PTPRK: variants seen among roughly 807,000 people sequenced by gnomAD.
PTPRK encodes protein tyrosine phosphatase receptor type K.
A neutral mutation model predicts 178.0 loss-of-function variants in PTPRK; 75 were observed. The observed-to-expected ratio is 0.42, with a 90% CI of 0.35 to 0.51. PTPRK has a LOEUF of 0.51. Ranked by LOEUF, PTPRK falls within the 20% of genes least tolerant of loss-of-function variation. The pLI is 0.02. For missense variants in PTPRK, 1,441 were observed against 1,797.8 expected, an observed-to-expected ratio of 0.80 and a Z score of 3.59; for synonymous variants, 637 against 620.6, an observed-to-expected ratio of 1.03 and a Z score of -0.39.
At chr6:128,188,695 A>G (rs1470943637) in intron 6 of PTPRK, among the ~76,000 whole-genome samples, 1 of 152,200 alleles carries the variant, frequency 6.6e-6, no homozygotes, top group African/African-American at 2.4e-5. Flanking sequence ...ATCTGAAATC[A>G]GTACCACTCG....
At chr6:128,032,276 C>T (rs1775470063) in intron 13 of PTPRK, among the ~76,000 whole-genome samples, 1 of 152,164 alleles carries the variant, frequency 6.6e-6, no homozygotes, top group South Asian at 2.1e-4. Context: ...TACCCTCTTG[C>T]TTCTGGGCTC....
intron 4 of PTPRK, among the ~76,000 whole-genome samples, chr6:128,240,628 T>TA (rs898838053): frequency 1.4e-4 from 21 of 152,088 alleles, no homozygotes; most frequent in African/African-American, 3.6e-4. Context: ...GATCTTTTTT[T>TA]AAAAAAAACA....
At chr6:128,373,238 C>T (rs1836544909) in intron 2 of PTPRK, among the ~76,000 whole-genome samples, 1 of 152,164 alleles carries the variant, frequency 6.6e-6, no homozygotes, top group Non-Finnish European at 1.5e-5. Flanking sequence ...CTTTGCAAAG[C>T]TGCGTTAGTT....
At chr6:128,110,237 T>C (rs1275671370) in intron 7 of PTPRK, among the ~76,000 whole-genome samples, 3 of 152,102 alleles carry the variant, frequency 2.0e-5, no homozygotes, top group Admixed American at 6.5e-5. Flanking sequence ...CAACACTACT[T>C]TTGAGTTGGC....
intron 3 of PTPRK, among the ~76,000 whole-genome samples, chr6:128,302,475 G>A (rs1449130156): frequency 6.8e-6 from 1 of 147,962 alleles, no homozygotes; most frequent in Non-Finnish European, 1.5e-5. Flanking sequence ...CCATTGCTCT[G>A]TTTATTTACT....
At chr6:128,250,365 T>C (rs994389570) in intron 3 of PTPRK, among the ~76,000 whole-genome samples, 20 of 152,222 alleles carry the variant, frequency 1.3e-4, no homozygotes. Context: ...ACATTTGATG[T>C]TTATTTCCTC....
chr6:128,391,173 G>A (rs1217876813), intron 2 of PTPRK, among the ~76,000 whole-genome samples: 2 of 152,018 alleles, frequency 1.3e-5, no homozygotes, highest in African/African-American at 4.8e-5. Flanking sequence ...ATCATTGAAT[G>A]ACGCATAACC....
At chr6:128,004,905 A>G (rs1322415531) in intron 15 of PTPRK, 179 bp downstream of exon 15, 4 of 574,884 alleles carry the variant, frequency 7.0e-6, no homozygotes, top group Non-Finnish European at 9.0e-6. Flanking sequence ...TAAATCCAGT[A>G]TCAATCTTGA....
intron 7 of PTPRK, among the ~76,000 whole-genome samples, chr6:128,097,451 G>A (rs947998486): frequency 2.0e-5 from 3 of 152,114 alleles, no homozygotes; most frequent in Non-Finnish European, 4.4e-5. Flanking sequence ...CAAGGAAATT[G>A]TTTGATTTTA....
intron 3 of PTPRK, among the ~76,000 whole-genome samples, chr6:128,269,178 T>C (rs1213013566): frequency 6.6e-6 from 1 of 152,004 alleles, no homozygotes; most frequent in Non-Finnish European, 1.5e-5. Flanking sequence ...TAACACCAAA[T>C]TTTATGCCCA....
intron 5 of PTPRK, among the ~76,000 whole-genome samples, chr6:128,237,617 T>C (rs771823887): frequency 1.3e-5 from 2 of 152,140 alleles, no homozygotes; most frequent in Non-Finnish European, 1.5e-5. Context: ...AATAAGCAAA[T>C]TGAGGCCCAG....
intron 17 of PTPRK, among the ~76,000 whole-genome samples, chr6:127,996,268 G>A (rs1777141576): frequency 6.6e-6 from 1 of 152,066 alleles, no homozygotes; most frequent in African/African-American, 2.4e-5. Context: ...TTTGATGGAA[G>A]TGTTAAAACA....
chr6:128,113,931 G>A (rs1791079196), intron 7 of PTPRK, among the ~76,000 whole-genome samples: 1 of 152,068 alleles, frequency 6.6e-6, no homozygotes, highest in Non-Finnish European at 1.5e-5. Context: ...CAGTGTTTGA[G>A]TAAAACTGTG....
At chr6:128,362,861 C>T (rs1055098191) in intron 2 of PTPRK, among the ~76,000 whole-genome samples, 1 of 151,960 alleles carries the variant, frequency 6.6e-6, no homozygotes, top group African/African-American at 2.4e-5. Flanking sequence ...ACAAAGAAAG[C>T]CCGGTACAAA....
chr6:128,233,372 C>T (rs1461411772), intron 5 of PTPRK, among the ~76,000 whole-genome samples: 1 of 152,200 alleles, frequency 6.6e-6, no homozygotes, highest in Non-Finnish European at 1.5e-5. Flanking sequence ...AGTACAGGAA[C>T]AAGGCTTTGG....
intron 7 of PTPRK, among the ~76,000 whole-genome samples, chr6:128,173,756 T>A (rs1800642321): frequency 6.6e-6 from 1 of 151,976 alleles, no homozygotes; most frequent in South Asian, 2.1e-4. Context: ...TCATTGGAAT[T>A]CTTATCTCCT....
At chr6:127,983,021 G>T in intron 23 of PTPRK, 41 bp from the exon 24 acceptor site, 1 of 1,560,066 alleles carries the variant, frequency 6.4e-7, no homozygotes, top group Non-Finnish European at 8.7e-7. Context: ...ACTAGTTTTA[G>T]TATCACTTTT....
intron 2 of PTPRK, among the ~76,000 whole-genome samples, chr6:128,354,034 T>C (rs1316432514): frequency 1.3e-5 from 2 of 152,108 alleles, no homozygotes; most frequent in African/African-American, 4.8e-5. Flanking sequence ...CATGTGAATT[T>C]ATAATTATCT....
At chr6:128,017,743 TATAA>T (rs1779740322) in intron 13 of PTPRK, among the ~76,000 whole-genome samples, 2 of 66,862 alleles carry the variant, frequency 3.0e-5, no homozygotes, top group Non-Finnish European at 5.5e-5. Flanking sequence ...ATATATAATA[TATAA>T]ATAAATATAT....
Sources: gnomAD v4.1 joint callset for allele counts (sites outside exome capture counted in the v4.1 genomes callset) on GRCh38, gnomAD v4.1.1 for gene constraint, MANE v1.5 for transcripts, NCBI Gene and HGNC (gene_info 2026-07-23, HGNC 2026-07-21) for gene names.